PCDH15: variants seen among roughly 807,000 people sequenced by gnomAD.
The protein encoded by PCDH15 is protocadherin related 15, also known as protocadherin-15.
A neutral mutation model predicts 178.5 loss-of-function variants in PCDH15; 129 were observed. The observed-to-expected ratio is 0.72, with a 90% CI of 0.63 to 0.84. PCDH15 has a LOEUF of 0.84. PCDH15 is among the 40% of genes least tolerant of loss of function. The probability of loss-of-function intolerance (pLI) is 0.00; values close to 1 mark genes in which losing one functional copy is unlikely to be tolerated. For synonymous variants in PCDH15, 800 were observed against 732.0 expected (o/e 1.09, Z -1.50); for missense variants, 2,230 against 2,099.9 (o/e 1.06, Z -1.21).
In PCDH15 at chr10:54,436,045, AG is replaced by A. The variant is rs1384723849; in HGVS notation, c.158-57104del. On this transcript the variant is annotated intron_variant, in intron 3 of 37. Coordinates refer to ENST00000644397, the MANE Select transcript of PCDH15 (RefSeq NM_001384140.1). ...AGGAGAGGAGAGGAGAGAGAGAGAG[AG>A]AGAGAAAAGAAAGAAAGAAAGAAAG... Among the ~76,000 whole-genome samples the A allele has an allele frequency of 1.4e-4, 19 of 135,328 alleles. 1 individual carries two copies. The highest frequency in any genetic ancestry group is 5.8e-4 in the African/African-American group (19 of 33,020). The allele number at this position is 135,328 out of a possible 152,430, so 88.8% of individuals were successfully genotyped here.
chr10:54,738,092 A>C (rs1290460386), intron 1 of PCDH15, among the ~76,000 whole-genome samples: 1 of 152,092 alleles, frequency 6.6e-6, no homozygotes, highest in Non-Finnish European at 1.5e-5. Context: ...CTTGAGCCAC[A>C]TGATAGAAGT....
chr10:54,561,133 C>T (rs78643467), intron 2 of PCDH15, among the ~76,000 whole-genome samples: 2,865 of 152,038 alleles, frequency 0.019, 85 homozygotes, highest in African/African-American at 0.065. Context: ...AATTAAAAGA[C>T]GCTTAAACAT....
chr10:53,805,708 C>T lies in PCDH15; in HGVS notation c.*871G>A, dbSNP rs1421347572. 1 of 152,072 alleles carries T rather than the reference C, an allele frequency of 6.6e-6. No homozygotes were observed. Among genetic ancestry groups the T allele is most frequent in the African/African-American group, 2.4e-5 (1 of 41,442 alleles). 9.4% of individuals were successfully genotyped at this position (152,072 alleles called of 1,614,324 possible). ...AAAGTCTAGTGACATTAATGTGAGA[C>T]TTCCCTAACCTCACCATGTCTTCCA... On this transcript the variant is annotated 3_prime_UTR_variant, in exon 38 of 38. Coordinates refer to ENST00000644397, the MANE Select transcript of PCDH15 (RefSeq NM_001384140.1).
chr10:53,898,493 C>T (rs10763026), intron 26 of PCDH15, among the ~76,000 whole-genome samples: 96,924 of 151,794 alleles, frequency 0.64, 32,116 homozygotes, highest in East Asian at 0.87. Context: ...TTGTCACTAA[C>T]GGAAATCAAC....
chr10:55,085,956 C>G (rs1487207016), intron 2 of PCDH15, among the ~76,000 whole-genome samples: 1 of 151,564 alleles, frequency 6.6e-6, no homozygotes, highest in Non-Finnish European at 1.5e-5. Context: ...CTTATATCAT[C>G]TATCAAGGAG....
chr10:54,719,559 G>A (rs560318075), intron 1 of PCDH15, among the ~76,000 whole-genome samples: 1 of 151,950 alleles, frequency 6.6e-6, no homozygotes, highest in Non-Finnish European at 1.5e-5. Flanking sequence ...AGTGCAGAAT[G>A]TGTAGGTGGT....
In PCDH15 at chr10:55,188,258, C is replaced by T. The variant is rs557926111; in HGVS notation, c.-155-21607G>A. Among the ~76,000 whole-genome samples the T allele has an allele frequency of 6.6e-5, 10 of 151,694 alleles. No individual in the cohort carries two copies. The Middle Eastern group carries it at 0.017, about 258-fold the overall frequency. On this transcript the variant is annotated intron_variant, in intron 1 of 5. Coordinates refer to the PCDH15 transcript ENST00000458638. ...TCTTCTAGAATTAAACTCCTTTTAC[C>T]AATTCTATATAATTTTCTCACGCTT...
rs548979213 is a variant in PCDH15 at position 53,991,290 on chromosome 10, C to A, written c.2868+4359G>T. 4.4e-4 allele frequency among the ~76,000 whole-genome samples: 67 copies of A among 152,326 alleles called. 1 individual carries two copies. In the South Asian group the frequency reaches 0.013, roughly 29 times the overall value. ...GCTGGGCTCCTGAGTCTGGTGGGGA[C>A]TTGGAGAACTTTTATGTCTAGCTGG... On this transcript the variant is annotated intron_variant, in intron 21 of 37. Transcript: ENST00000644397.
chr10:53,924,817 C>G (rs2084348495), intron 25 of PCDH15, among the ~76,000 whole-genome samples: 2 of 152,120 alleles, frequency 1.3e-5, no homozygotes, highest in Non-Finnish European at 2.9e-5. Context: ...TGTAAATACA[C>G]CAAATCAGCA....
intron 5 of PCDH15, among the ~76,000 whole-genome samples, chr10:54,365,862 T>C (rs1259155327): frequency 1.3e-5 from 2 of 152,022 alleles, no homozygotes; most frequent in African/African-American, 4.8e-5. Flanking sequence ...GATAGAGGAA[T>C]TAATAATGTT....
intron 28 of PCDH15, 41 bp downstream of exon 28, chr10:53,857,134 G>T: frequency 7.5e-7 from 1 of 1,340,432 alleles, no homozygotes; most frequent in Non-Finnish European, 1.1e-6. Context: ...AAAAATCATG[G>T]TCATATAAAA....
At chr10:55,109,652 T>C (rs1480298930) in intron 2 of PCDH15, among the ~76,000 whole-genome samples, 1 of 152,164 alleles carries the variant, frequency 6.6e-6, no homozygotes, top group Non-Finnish European at 1.5e-5. Context: ...ATTTTCATTG[T>C]CTAATAAATC....
chr10:54,008,719 CT>C (rs11285680), intron 20 of PCDH15, among the ~76,000 whole-genome samples: 112,806 of 151,906 alleles, frequency 0.74, 42,365 homozygotes, highest in African/African-American at 0.85. Flanking sequence ...AATAGCAAGT[CT>C]TTTTTTTCTC....
At position 54,185,104 on chromosome 10, in the gene PCDH15, C is replaced by T. The variant is rs750900175; in HGVS notation, c.1440+30G>A. 1.4e-5 allele frequency: 22 copies of T among 1,602,232 alleles called. No individual in the cohort carries two copies. In the African/African-American group the frequency reaches 1.9e-4, roughly 14 times the overall value. ...ACATACATACATACATTCATACATA[C>T]ATATGTATATTTACACAAAAGCTCT... On this transcript the variant is annotated intron_variant, in intron 12 of 37. Transcript: ENST00000644397.
At chr10:54,516,226 T>A (rs1589827159) in intron 3 of PCDH15, among the ~76,000 whole-genome samples, 1 of 152,014 alleles carries the variant, frequency 6.6e-6, no homozygotes, top group East Asian at 1.9e-4. Context: ...TTTGACGAGT[T>A]GAGAGAAGAA....
At chr10:55,431,910 G>A (rs1054039508) in intron 2 of PCDH15, among the ~76,000 whole-genome samples, 3 of 151,958 alleles carry the variant, frequency 2.0e-5, no homozygotes, top group Non-Finnish European at 2.9e-5. Context: ...ATGTGTGAAG[G>A]TTGTTATTCT....
At chr10:55,094,726 T>C (rs1270021160) in intron 2 of PCDH15, among the ~76,000 whole-genome samples, 1 of 152,014 alleles carries the variant, frequency 6.6e-6, no homozygotes, top group Non-Finnish European at 1.5e-5. Context: ...GGAATAGAGA[T>C]TAATTTTCCC....
At chr10:54,270,807 T>C (rs1350660100) in intron 8 of PCDH15, among the ~76,000 whole-genome samples, 3 of 152,186 alleles carry the variant, frequency 2.0e-5, no homozygotes, top group Non-Finnish European at 4.4e-5. Context: ...CTGTTTTAGA[T>C]ACTTGGGCTA....
intron 2 of PCDH15, among the ~76,000 whole-genome samples, chr10:55,539,470 A>G (rs1841707530): frequency 6.6e-6 from 1 of 152,068 alleles, no homozygotes; most frequent in African/African-American, 2.4e-5. Flanking sequence ...TTAAAACCTT[A>G]CAGAAACCAT....
Sources: allele counts gnomAD v4.1 joint callset (sites outside exome capture counted in the v4.1 genomes callset), GRCh38; gene constraint gnomAD v4.1.1; transcripts MANE v1.5; gene names NCBI Gene and HGNC (gene_info 2026-07-23, HGNC 2026-07-21).